LAMB1: variants seen among roughly 807,000 people sequenced by gnomAD.
LAMB1 encodes the protein laminin subunit beta-1.
A neutral mutation model predicts 222.3 loss-of-function variants in LAMB1; 121 were observed. The ratio of observed to expected loss-of-function variants is 0.54; its 90% CI spans 0.47 to 0.63. The LOEUF (loss-of-function observed/expected upper bound fraction) is 0.63, where lower values mean the gene tolerates loss of function less well. Among genes scored for constraint, LAMB1 ranks in the 30% least tolerant of loss-of-function variants. The pLI is 0.00. For synonymous variants in LAMB1, 794 were observed against 807.2 expected (o/e 0.98, Z 0.28); for missense variants, 2,172 against 2,240.8 (o/e 0.97, Z 0.62).
In LAMB1 at chr7:107,960,621, A is replaced by G. The variant is rs534468689; in HGVS notation, c.2138T>C (p.Leu713Pro). ...TGAACCTCCCACGGTGAAGATGTCC[A>G]GTGATTTACAGTATGGCATGAGAAC... ...SLVLMPYCKSLDIFTVGGSGD... is the reference protein window; with the variant it reads ...SLVLMPYCKSPDIFTVGGSGD... Residue 713 changes from leucine to proline, a missense_variant, in exon 18 of 34, where the codon CTG becomes CCG. Coordinates refer to ENST00000222399, the MANE Select transcript of LAMB1 (RefSeq NM_002291.3). 3 of 1,614,258 alleles carry G rather than the reference A, an allele frequency of 1.9e-6. No individual in the cohort carries two copies. The highest frequency in any genetic ancestry group is 2.7e-5 in the African/African-American group (2 of 75,076).
rs1253747614 is a variant in LAMB1 at position 107,931,350 on chromosome 7, T to G, written c.4537+6A>C. 1.2e-6 allele frequency: 2 copies of G among 1,609,636 alleles called. No homozygotes were observed. The highest frequency in any genetic ancestry group is 2.7e-5 in the African/African-American group (2 of 74,694). On this transcript the variant is annotated splice_donor_region_variant and intron_variant, in intron 29 of 33. Coordinates refer to ENST00000222399, the MANE Select transcript of LAMB1 (RefSeq NM_002291.3). ...TGTCTAAAAGTAAAATGAAAAAATT[T>G]CTTACGGGTCAAAAAGTTTCTGATT... is the stretch of plus-strand genomic sequence containing the variant.
chr7:107,942,346 C>T (rs2033010828), intron 24 of LAMB1: 1 of 152,240 alleles, frequency 6.6e-6, no homozygotes, highest in Non-Finnish European at 1.5e-5. Flanking sequence ...ACTGAGGGTC[C>T]TGAGATCTGC....
chr7:107,980,989 A>G (rs2033961343), intron 7 of LAMB1, among the ~76,000 whole-genome samples, 178 bp from the exon 8 acceptor site: 1 of 152,122 alleles, frequency 6.6e-6, no homozygotes, highest in Non-Finnish European at 1.5e-5. Flanking sequence ...GACTGCAAAG[A>G]GGAAAGGTTA....
Position 107,926,244 on chromosome 7 carries a change from T to G in LAMB1, c.5003A>C (p.Glu1668Ala). 1 of 1,614,026 alleles carries G rather than the reference T, an allele frequency of 6.2e-7. No individual in the cohort carries two copies. Residue 1668 changes from glutamate (E) to alanine (A), a missense_variant, in exon 32 of 34, where the codon GAG (glutamate) becomes GCG (alanine). By Grantham distance (107) the Glu-to-Ala change is moderately radical. Coordinates refer to ENST00000222399, the MANE Select transcript of LAMB1 (RefSeq NM_002291.3). Reference protein sequence around the residue: ...LKRKAAQNSGEAEYIEKVVYT... With the variant: ...LKRKAAQNSGAAEYIEKVVYT... ...TACTACTTTTTCAATATATTCTGCC[T>G]CCCCGGAGTTTTGGGCAGCTTTCCG...
chr7:107,989,216 C>T (rs138338326), intron 5 of LAMB1, among the ~76,000 whole-genome samples: 3 of 152,230 alleles, frequency 2.0e-5, no homozygotes, highest in African/African-American at 7.2e-5. Flanking sequence ...AGAAAGAGCG[C>T]TGAAAAATAG....
chr7:107,951,051 C>T (rs1355010565), intron 24 of LAMB1, 175 bp downstream of exon 24: 1 of 577,226 alleles, frequency 1.7e-6, no homozygotes, highest in Non-Finnish European at 3.1e-6. Flanking sequence ...ATGGGCAGGG[C>T]TAGATTTGTT....
intron 2 of LAMB1, 72 bp from the exon 3 acceptor site, chr7:108,001,805 G>C (rs775924452): frequency 3.8e-6 from 6 of 1,581,330 alleles, no homozygotes; most frequent in East Asian, 2.3e-5. Context: ...ACGAACAAGC[G>C]GGGGCGGGGG....
At position 107,969,576 on chromosome 7, in the gene LAMB1, T is replaced by C. The variant is rs1187494276; in HGVS notation, c.1562+3416A>G. 2.0e-5 allele frequency among the ~76,000 whole-genome samples: 3 copies of C among 152,352 alleles called. No homozygotes were observed. In the East Asian group the frequency reaches 5.8e-4, roughly 29 times the overall value. ...ATCCTGTTCTATCACAGTATAGTCATGTGTCACTTAATGACTGGGATATGT... is the reference window on the plus strand; with the variant it reads ...ATCCTGTTCTATCACAGTATAGTCACGTGTCACTTAATGACTGGGATATGT... On this transcript the variant is annotated intron_variant, in intron 13 of 33. Coordinates refer to ENST00000222399, the MANE Select transcript of LAMB1 (RefSeq NM_002291.3).
chr7:107,975,184 G>T (rs2033826506), intron 11 of LAMB1, 50 bp downstream of exon 11: 1 of 1,578,984 alleles, frequency 6.3e-7, no homozygotes, highest in Non-Finnish European at 8.7e-7. Flanking sequence ...AAGTAAAATG[G>T]GAATTTCAAA....
At chr7:107,965,662 T>C (rs941263994) in intron 13 of LAMB1, among the ~76,000 whole-genome samples, 12 of 152,196 alleles carry the variant, frequency 7.9e-5, no homozygotes, top group South Asian at 6.2e-4. Context: ...TTACTTCACT[T>C]AAAGAAGAGC....
chr7:107,996,961 T>C (rs921877800), intron 4 of LAMB1, among the ~76,000 whole-genome samples: 1 of 152,204 alleles, frequency 6.6e-6, no homozygotes, highest in African/African-American at 2.4e-5. Flanking sequence ...GAAACTTCTC[T>C]TTCACACTGA....
chr7:107,981,411 G>A (rs113362923), intron 7 of LAMB1, among the ~76,000 whole-genome samples: 1 of 150,664 alleles, frequency 6.6e-6, no homozygotes, highest in African/African-American at 2.5e-5. Context: ...TTGTGCCATT[G>A]CACTCCAGCC....
chr7:107,976,492 A>G (rs1053606478), intron 9 of LAMB1, among the ~76,000 whole-genome samples: 23 of 152,210 alleles, frequency 1.5e-4, no homozygotes, highest in Middle Eastern at 6.8e-3. Context: ...CCCAGCTTTA[A>G]TCATCTCGCT....
At chr7:107,994,705 T>C (rs1377758989) in intron 5 of LAMB1, among the ~76,000 whole-genome samples, 182 bp downstream of exon 5, 5 of 152,372 alleles carry the variant, frequency 3.3e-5, no homozygotes, top group South Asian at 4.1e-4. Flanking sequence ...GTCATGAAGA[T>C]AGAGTATTTG....
chr7:107,965,648 AT>A (rs370503870), intron 13 of LAMB1, among the ~76,000 whole-genome samples: 74 of 152,244 alleles, frequency 4.9e-4, no homozygotes, highest in African/African-American at 1.8e-3. Context: ...ACATGTATCC[AT>A]TTTTACTTCA....
Position 108,001,194 on chromosome 7 carries a change from G to C in LAMB1, c.213+364C>G, listed in dbSNP as rs558813876. Among the ~76,000 whole-genome samples, 25 of 152,202 alleles carry C rather than the reference G, an allele frequency of 1.6e-4. 1 individual carries two copies. The highest frequency in any genetic ancestry group is 2.2e-4 in the Non-Finnish European group (15 of 68,042). On this transcript the variant is annotated intron_variant, in intron 3 of 33. Transcript: ENST00000222399. ...ACCCAAGTGAAGATGCGGTAGAGGG[G>C]GGTGGGGAAACCCAAGGGTTTTAAA...
Position 107,969,104 on chromosome 7 carries a change from C to A in LAMB1, c.1562+3888G>T, listed in dbSNP as rs563800112. Among the ~76,000 whole-genome samples, 121 of 152,010 alleles carry A rather than the reference C, an allele frequency of 8.0e-4. 1 individual carries two copies. The highest frequency in any genetic ancestry group is 2.9e-3 in the African/African-American group (121 of 41,506). On this transcript the variant is annotated intron_variant, in intron 13 of 33. Transcript: ENST00000222399. ...GAGATTGAGACCATCCTGGCTAACA[C>A]GGTGAAACCCCATCTCCACTAAAAA...
intron 12 of LAMB1, 134 bp from the exon 13 acceptor site, chr7:107,973,205 A>G (rs1584520039): frequency 1.3e-6 from 1 of 744,098 alleles, no homozygotes; most frequent in East Asian, 2.7e-5. Context: ...GAAAGCCAAC[A>G]AAAGGAAGGA....
chr7:107,936,376 TAAAGAAAG>T (rs533125309), intron 26 of LAMB1: 1 of 151,840 alleles, frequency 6.6e-6, no homozygotes, highest in Non-Finnish European at 1.5e-5. Context: ...GCCCATCTCT[TAAAGAAAG>T]AAAGAAAGAG....
Sources: allele counts gnomAD v4.1 joint callset (sites outside exome capture counted in the v4.1 genomes callset), GRCh38; gene constraint gnomAD v4.1.1; transcripts MANE v1.5; gene names NCBI Gene and HGNC (gene_info 2026-07-23, HGNC 2026-07-21).